Variants in NRXN1 observed in about 807,000 individuals in gnomAD.
NRXN1 encodes neurexin 1, also known as neurexin-1.
A neutral mutation model predicts 150.9 loss-of-function variants in NRXN1; 39 were observed. The observed-to-expected ratio is 0.26, with a 90% confidence interval of 0.20 to 0.34. The LOEUF is 0.34. Ranked by LOEUF, NRXN1 falls within the 10% of genes least tolerant of loss-of-function variation. The pLI is 1.00. For synonymous variants in NRXN1, 924 were observed against 757.0 expected, an observed-to-expected ratio of 1.22 and a Z score of -3.62; for missense variants, 1,815 against 1,949.9, an observed-to-expected ratio of 0.93 and a Z score of 1.30.
chr2:50,061,640 C>G (rs776129760), intron 19 of NRXN1, among the ~76,000 whole-genome samples: 3 of 152,194 alleles, frequency 2.0e-5, no homozygotes, highest in African/African-American at 4.8e-5. Flanking sequence ...GCATAAAACT[C>G]TACTATAGCA....
At chr2:50,239,228 G>A (rs1185785788) in intron 17 of NRXN1, among the ~76,000 whole-genome samples, 2 of 151,898 alleles carry the variant, frequency 1.3e-5, no homozygotes, top group Non-Finnish European at 2.9e-5. Flanking sequence ...ACATAAAAAA[G>A]TGGAGATGGC....
chr2:50,810,407 C>G (rs945198994), intron 5 of NRXN1, among the ~76,000 whole-genome samples: 5 of 152,064 alleles, frequency 3.3e-5, no homozygotes, highest in African/African-American at 1.2e-4. Flanking sequence ...TGAGAGGGAA[C>G]CAGAGAATGT....
chr2:49,946,198 T>C (rs915397129), intron 21 of NRXN1, among the ~76,000 whole-genome samples: 11 of 152,228 alleles, frequency 7.2e-5, no homozygotes, highest in Admixed American at 3.9e-4. Context: ...GAAAAGTGTA[T>C]GTTCATATAC....
chr2:50,545,599 T>C (rs72882090), intron 9 of NRXN1, among the ~76,000 whole-genome samples: 17 of 152,294 alleles, frequency 1.1e-4, no homozygotes, highest in African/African-American at 3.8e-4. Context: ...AAAACAAGAA[T>C]GCCAAGTTAT....
intron 17 of NRXN1, among the ~76,000 whole-genome samples, chr2:50,409,991 T>G (rs960200221): frequency 2.0e-5 from 3 of 152,326 alleles, no homozygotes; most frequent in Admixed American, 6.5e-5. Context: ...CTCTCTGATC[T>G]CATGTTGACA....
intron 17 of NRXN1, among the ~76,000 whole-genome samples, chr2:50,327,343 A>T (rs78720242): frequency 6.6e-6 from 1 of 152,230 alleles, no homozygotes; most frequent in Non-Finnish European, 1.5e-5. Context: ...AAAATCACTT[A>T]TGATGATAGT....
intron 21 of NRXN1, chr2:49,973,048 C>T (rs1053287957): frequency 6.6e-6 from 1 of 152,090 alleles, no homozygotes; most frequent in South Asian, 2.1e-4. Flanking sequence ...TTGCTTTTCT[C>T]GAGAATAAGG....
intron 17 of NRXN1, among the ~76,000 whole-genome samples, chr2:50,319,823 A>G (rs566858948): frequency 6.6e-6 from 1 of 151,976 alleles, no homozygotes; most frequent in Admixed American, 6.6e-5. Flanking sequence ...TCAAGCACTA[A>G]CCTCCTCTCA....
intron 17 of NRXN1, among the ~76,000 whole-genome samples, chr2:50,421,543 G>A (rs2084000008): frequency 6.6e-6 from 1 of 152,004 alleles, no homozygotes; most frequent in South Asian, 2.1e-4. Flanking sequence ...ATTCAGCTGG[G>A]CTGCATGTAT....
intron 5 of NRXN1, among the ~76,000 whole-genome samples, chr2:50,687,407 C>G (rs908383839): frequency 6.6e-6 from 1 of 152,106 alleles, no homozygotes; most frequent in Non-Finnish European, 1.5e-5. Flanking sequence ...TCTCTGTGAG[C>G]ATTCATTACT....
At chr2:50,342,136 G>T (rs2077592962) in intron 17 of NRXN1, among the ~76,000 whole-genome samples, 1 of 152,008 alleles carries the variant, frequency 6.6e-6, no homozygotes, top group African/African-American at 2.4e-5. Flanking sequence ...GCTCATAGTA[G>T]GAATTTATGA....
intron 5 of NRXN1, among the ~76,000 whole-genome samples, chr2:50,802,136 G>C (rs1007269486): frequency 2.0e-5 from 3 of 152,070 alleles, no homozygotes; most frequent in Admixed American, 2.0e-4. Context: ...TTAATGGTGT[G>C]GCCCTCAAAA....
chr2:50,736,893 C>T (rs1329770363), intron 5 of NRXN1, among the ~76,000 whole-genome samples: 1 of 152,180 alleles, frequency 6.6e-6, no homozygotes, highest in Non-Finnish European at 1.5e-5. Flanking sequence ...CCGTTCTTGA[C>T]ACTTAATGCC....
At chr2:50,131,080 T>A (rs904616449) in intron 18 of NRXN1, among the ~76,000 whole-genome samples, 1 of 152,218 alleles carries the variant, frequency 6.6e-6, no homozygotes, top group Admixed American at 6.5e-5. Flanking sequence ...AAACTCATTT[T>A]AATTTTGCAG....
intron 2 of NRXN1, among the ~76,000 whole-genome samples, chr2:50,986,354 T>A (rs988064142): frequency 1.3e-5 from 2 of 151,744 alleles, no homozygotes; most frequent in African/African-American, 4.8e-5. Flanking sequence ...TGTATCCATG[T>A]GTGAGTTAAA....
chr2:50,334,113 A>G (rs893065484), intron 17 of NRXN1, among the ~76,000 whole-genome samples: 5 of 151,050 alleles, frequency 3.3e-5, no homozygotes, highest in Admixed American at 3.3e-4. Flanking sequence ...GCCAATGTCT[A>G]GAGAGCACAG....
intron 2 of NRXN1, among the ~76,000 whole-genome samples, chr2:50,968,042 G>T (rs1341612030): frequency 6.6e-6 from 1 of 151,926 alleles, no homozygotes; most frequent in East Asian, 1.9e-4. Context: ...GACTAGATTA[G>T]AAATTTATGA....
At chr2:50,042,378 C>T (rs1204536988) in intron 21 of NRXN1, among the ~76,000 whole-genome samples, 1 of 152,102 alleles carries the variant, frequency 6.6e-6, no homozygotes, top group African/African-American at 2.4e-5. Flanking sequence ...GGGCTTCCCC[C>T]TTCTCTCATT....
At chr2:50,411,099 G>A (rs2083124715) in intron 17 of NRXN1, among the ~76,000 whole-genome samples, 1 of 151,514 alleles carries the variant, frequency 6.6e-6, no homozygotes, top group Non-Finnish European at 1.5e-5. Context: ...ATGCCGAGCG[G>A]AGGCTGGACT....
Sources: allele counts gnomAD v4.1 joint callset (sites outside exome capture counted in the v4.1 genomes callset), GRCh38; gene constraint gnomAD v4.1.1; transcripts MANE v1.5; gene names NCBI Gene and HGNC (gene_info 2026-07-23, HGNC 2026-07-21).